Variants in SEMA6D observed in about 807,000 individuals in gnomAD.
SEMA6D encodes semaphorin 6D, also known as semaphorin-6D.
Under a neutral mutation model 106.6 loss-of-function variants are expected in SEMA6D, and 35 were observed. That is an observed-to-expected ratio of 0.33 (90% CI 0.25 to 0.44). The LOEUF (loss-of-function observed/expected upper bound fraction) is 0.44, where lower values mean the gene tolerates loss of function less well. Ranked by LOEUF, SEMA6D falls within the 20% of genes least tolerant of loss-of-function variation. The pLI is 1.00. For missense variants in SEMA6D, 1,185 were observed against 1,345.9 expected (o/e 0.88, Z 1.87); for synonymous variants, 499 against 487.7 (o/e 1.02, Z -0.31).
At chr15:47,248,860 G>A (rs1226580454) in intron 1 of SEMA6D, among the ~76,000 whole-genome samples, 2 of 152,176 alleles carry the variant, frequency 1.3e-5, no homozygotes, top group Admixed American at 6.5e-5. Flanking sequence ...GGGAACCTCA[G>A]TGGCATTACC....
intron 3 of SEMA6D, among the ~76,000 whole-genome samples, chr15:47,486,316 A>G (rs971859566): frequency 6.6e-6 from 1 of 152,226 alleles, no homozygotes; most frequent in African/African-American, 2.4e-5. Flanking sequence ...CGGAACAACA[A>G]TGAAAGAACT....
chr15:47,750,798 TCTC>T (rs2081387858), intron 1 of SEMA6D, among the ~76,000 whole-genome samples: 1 of 152,174 alleles, frequency 6.6e-6, no homozygotes, highest in African/African-American at 2.4e-5. Context: ...CTTTCAGCAA[TCTC>T]CTCATGGCCC....
chr15:47,350,509 C>G (rs1403375116), intron 1 of SEMA6D, among the ~76,000 whole-genome samples: 1 of 152,158 alleles, frequency 6.6e-6, no homozygotes, highest in Admixed American at 6.6e-5. Flanking sequence ...ACAGACGCTT[C>G]AGTCATTTCT....
At chr15:47,541,851 T>C (rs2045364688) in intron 3 of SEMA6D, among the ~76,000 whole-genome samples, 1 of 150,134 alleles carries the variant, frequency 6.7e-6, no homozygotes. Context: ...AGAGCTGTTC[T>C]AAATCAGTTC....
intron 1 of SEMA6D, among the ~76,000 whole-genome samples, chr15:47,289,178 A>G (rs1238009375): frequency 2.6e-5 from 4 of 151,912 alleles, no homozygotes; most frequent in Admixed American, 1.3e-4. Context: ...GGTGAATCAC[A>G]AGGTCAGGAA....
chr15:47,228,094 C>T (rs186366918), intron 1 of SEMA6D, among the ~76,000 whole-genome samples: 1 of 140,592 alleles, frequency 7.1e-6, no homozygotes, highest in Admixed American at 7.2e-5. Flanking sequence ...ATCCATACAT[C>T]ATATATTTTA....
chr15:47,595,843 T>G (rs907086409), intron 3 of SEMA6D, among the ~76,000 whole-genome samples: 2 of 152,146 alleles, frequency 1.3e-5, no homozygotes, highest in Non-Finnish European at 2.9e-5. Context: ...CTTCTAGTTA[T>G]CCAATTTATT....
At chr15:47,574,088 A>C (rs1566902069) in intron 3 of SEMA6D, among the ~76,000 whole-genome samples, 3 of 152,218 alleles carry the variant, frequency 2.0e-5, no homozygotes, top group African/African-American at 7.2e-5. Context: ...TCTGATGTGA[A>C]GCCAACTGGG....
chr15:47,358,771 A>G (rs1401856311), intron 1 of SEMA6D, among the ~76,000 whole-genome samples: 1 of 152,240 alleles, frequency 6.6e-6, no homozygotes, highest in Non-Finnish European at 1.5e-5. Flanking sequence ...TCAATGAGGC[A>G]GGGCCCTGAG....
At chr15:47,354,466 G>T (rs906956484) in intron 1 of SEMA6D, among the ~76,000 whole-genome samples, 25 of 147,618 alleles carry the variant, frequency 1.7e-4, no homozygotes, top group Non-Finnish European at 3.1e-4. Flanking sequence ...AAGTAGAGGT[G>T]ACTTAAGAAT....
intron 2 of SEMA6D, among the ~76,000 whole-genome samples, chr15:47,454,599 G>GCACACA (rs71118183): frequency 0.16 from 23,654 of 148,820 alleles, 2,055 homozygotes; most frequent in East Asian, 0.21. Context: ...TTGCACATGT[G>GCACACA]CACACACACA....
chr15:47,578,674 G>A (rs1194905842), intron 3 of SEMA6D, among the ~76,000 whole-genome samples: 5 of 152,032 alleles, frequency 3.3e-5, no homozygotes, highest in East Asian at 1.9e-4. Context: ...GGCACATGTG[G>A]ACTCCATTTT....
At chr15:47,733,900 G>A (rs1013845496) in intron 1 of SEMA6D, among the ~76,000 whole-genome samples, 2 of 152,142 alleles carry the variant, frequency 1.3e-5, no homozygotes, top group Non-Finnish European at 2.9e-5. Context: ...CCCAAAAAAA[G>A]TATTTGGATG....
At chr15:47,383,075 C>T (rs1220069039) in intron 1 of SEMA6D, among the ~76,000 whole-genome samples, 1 of 152,158 alleles carries the variant, frequency 6.6e-6, no homozygotes, top group Admixed American at 6.5e-5. Context: ...TAATTTTTGT[C>T]CCTCAAAATG....
intron 1 of SEMA6D, among the ~76,000 whole-genome samples, chr15:47,374,652 T>C (rs1476422769): frequency 6.6e-6 from 1 of 152,188 alleles, no homozygotes; most frequent in Admixed American, 6.5e-5. Flanking sequence ...ATAAGGGTTT[T>C]CTATATGATT....
At chr15:47,598,705 G>A (rs1220382970) in intron 3 of SEMA6D, among the ~76,000 whole-genome samples, 1 of 152,020 alleles carries the variant, frequency 6.6e-6, no homozygotes, top group African/African-American at 2.4e-5. Flanking sequence ...GTATATGAGG[G>A]CCACATTAAT....
intron 2 of SEMA6D, among the ~76,000 whole-genome samples, chr15:47,461,642 G>A (rs1342505797): frequency 6.6e-6 from 1 of 151,976 alleles, no homozygotes; most frequent in Non-Finnish European, 1.5e-5. Context: ...AGGATGTTCG[G>A]GAAAAGCTTC....
chr15:47,191,833 G>A (rs1267561052), intron 1 of SEMA6D, among the ~76,000 whole-genome samples: 3 of 152,140 alleles, frequency 2.0e-5, no homozygotes, highest in Non-Finnish European at 2.9e-5. Flanking sequence ...AGGTGACGAA[G>A]CAGTAGATAG....
intron 3 of SEMA6D, among the ~76,000 whole-genome samples, chr15:47,473,860 T>C (rs2042926151): frequency 6.6e-6 from 1 of 152,066 alleles, no homozygotes; most frequent in Non-Finnish European, 1.5e-5. Context: ...TTAAAACATC[T>C]ATTAGTGACT....
Sources: gnomAD v4.1 joint callset for allele counts (sites outside exome capture counted in the v4.1 genomes callset) on GRCh38, gnomAD v4.1.1 for gene constraint, MANE v1.5 for transcripts, NCBI Gene and HGNC (gene_info 2026-07-23, HGNC 2026-07-21) for gene names.